The following HAL variants were observed in gnomAD, a reference collection of about 807,000 sequenced individuals.
The protein encoded by HAL is histidine ammonia-lyase, also known as histidase.
HAL carries 85 observed loss-of-function variants against 81.1 expected under a neutral mutation model. That is an observed-to-expected ratio of 1.05 (90% CI 0.88 to 1.25). HAL has a LOEUF of 1.25. Among genes scored for constraint, HAL ranks in the 50% most tolerant of loss-of-function variants. The pLI, the probability that HAL is intolerant of heterozygous loss-of-function variation, is 0.00. For missense variants in HAL, 798 were observed against 836.6 expected, an observed-to-expected ratio of 0.95 and a Z score of 0.57; for synonymous variants, 301 against 309.2, an observed-to-expected ratio of 0.97 and a Z score of 0.28.
At chr12:95,974,583 C>G (rs946269147) in intron 20 of HAL, among the ~76,000 whole-genome samples, 28 of 152,136 alleles carry the variant, frequency 1.8e-4, no homozygotes, top group African/African-American at 6.8e-4. Context: ...AAGTCCAAAA[C>G]TTTCTAAAGT....
chr12:95,992,617 A>G (rs1949984755), intron 9 of HAL, 63 bp downstream of exon 9: 1 of 1,460,568 alleles, frequency 6.8e-7, no homozygotes, highest in Non-Finnish European at 9.6e-7. Context: ...TGGCCAATCA[A>G]TTCTACCCTG....
At position 95,993,961 on chromosome 12, in the gene HAL, C is replaced by G; in HGVS notation, c.449G>C (p.Arg150Thr). The G allele has an allele frequency of 6.2e-7, 1 of 1,610,970 alleles. No individual in the cohort carries two copies. The highest frequency in any genetic ancestry group is 8.5e-7 in the Non-Finnish European group (1 of 1,177,202). Reference sequence around the variant, plus strand: ...TTTTATGATGCTATCTATGACCTCCCTGGATTTCTGCACCCTCTTCTCAGC... The same window carrying G: ...TTTTATGATGCTATCTATGACCTCCGTGGATTTCTGCACCCTCTTCTCAGC... ...PTAEKRVQKS[R>T]EVIDSIIKEK... is the part of the protein sequence containing the mutation. The change falls in exon 6 of 21, where the codon AGG (arginine) becomes ACG (threonine). Residue 150 changes from arginine (R) to threonine (T), a missense_variant. Physicochemically the swap from Arg to Thr is moderately conservative, Grantham distance 71. Transcript: ENST00000261208.
In HAL at chr12:95,987,071, G is replaced by A. The variant is rs760840953; in HGVS notation, c.1047C>T (p.Asp349=). 7 of 1,612,760 alleles carry A rather than the reference G, an allele frequency of 4.3e-6. No individual in the cohort carries two copies. In the East Asian group the frequency reaches 1.6e-4, roughly 36 times the overall value. The change falls in exon 12 of 21, where the codon GAC becomes GAT. Residue 349 remains aspartate (D), a synonymous_variant. Transcript: ENST00000261208. Reference sequence around the variant, plus strand: ...AAAAGGAAGAACCCTGCTGACCAGTGTCAAAGGCTTTGGTGGTGCCCTTCA... The same window carrying A: ...AAAAGGAAGAACCCTGCTGACCAGTATCAAAGGCTTTGGTGGTGCCCTTCA... ...EVLKGTTKAF[D]TDIHALRPHR... is the part of the protein sequence containing the mutation.
intron 17 of HAL, among the ~76,000 whole-genome samples, chr12:95,979,010 C>G (rs2080759781): frequency 6.6e-6 from 1 of 152,022 alleles, no homozygotes; most frequent in Admixed American, 6.6e-5. Flanking sequence ...GTCCTTGGAC[C>G]CTAAACTGTG....
intron 11 of HAL, among the ~76,000 whole-genome samples, chr12:95,987,841 T>A (rs1171632413): frequency 7.6e-6 from 1 of 131,612 alleles, no homozygotes; most frequent in African/African-American, 2.8e-5. Flanking sequence ...CCAGGGTAGC[T>A]GGGATTACAA....
chr12:95,976,288 G>C, intron 20 of HAL, 141 bp downstream of exon 20: 1 of 762,668 alleles, frequency 1.3e-6, no homozygotes, highest in African/African-American at 1.7e-5. Context: ...TAGTGGTGCT[G>C]CAAGTTGTTG....
rs151012020 is a variant in HAL, at chr12:95,992,717, G to T, written c.678C>A (p.Ser226=). 1 of 1,612,846 alleles carries T rather than the reference G, an allele frequency of 6.2e-7. No homozygotes were observed. Among genetic ancestry groups the T allele is most frequent in the Non-Finnish European group, 8.5e-7 (1 of 1,178,986 alleles). ...CTATGACTTGTTTGAGGGTCTCCAG[G>T]GAAATGCCACTGTATCCTTTGGCTA... ...NVLAKGYSGI[S]LETLKQVIEM... is the part of the protein sequence containing the mutation. The change falls in exon 9 of 21, where the codon TCC becomes TCA. Residue 226 remains serine (S), a synonymous_variant. Transcript: ENST00000261208.
intron 15 of HAL, among the ~76,000 whole-genome samples, chr12:95,981,667 C>A (rs1487498945): frequency 6.6e-6 from 1 of 152,158 alleles, no homozygotes; most frequent in Non-Finnish European, 1.5e-5. Context: ...GCCATGTTGG[C>A]CAGGCTGGTC....
At position 95,980,582 on chromosome 12, in the gene HAL, A is replaced by C; in HGVS notation, c.1493T>G (p.Ile498Arg). 5.6e-6 allele frequency: 9 copies of C among 1,613,982 alleles called. No homozygotes were observed. Among genetic ancestry groups the C allele is most frequent in the Non-Finnish European group, 7.6e-6 (9 of 1,180,014 alleles). ...AEGGLNSGFM[I>R]AHCTAAALVS... ...AAGGGCTGCTGCCGTGCAGTGAGCT[A>C]TCATGAACCCAGAGTTCAGACCACC... Residue 498 changes from isoleucine (I) to arginine (R), a missense_variant, in exon 17 of 21, where the codon ATA (isoleucine) becomes AGA (arginine). By Grantham distance (97) the Ile-to-Arg change is moderately conservative. Transcript: ENST00000261208.
chr12:95,995,208 T>G lies in HAL; in HGVS notation c.248-215A>C, dbSNP rs555818210. 1.3e-5 allele frequency: 8 copies of G among 614,744 alleles called. 1 individual carries two copies. Among genetic ancestry groups the G allele is most frequent in the Admixed American group, 5.5e-5 (2 of 36,382 alleles). 38.1% of individuals were successfully genotyped at this position (614,744 alleles called of 1,614,324 possible). On this transcript the variant is annotated intron_variant, in intron 2 of 20. Coordinates refer to ENST00000261208, the MANE Select transcript of HAL (RefSeq NM_002108.4). Reference sequence around the variant, plus strand: ...TCAGGGCAGAGACCAGGGGTTTAGATGAAAGTTCAAGACAGAATTCCACTT... The same window carrying G: ...TCAGGGCAGAGACCAGGGGTTTAGAGGAAAGTTCAAGACAGAATTCCACTT...
intron 11 of HAL, among the ~76,000 whole-genome samples, chr12:95,987,979 G>A (rs576807313): frequency 3.3e-5 from 5 of 151,846 alleles, no homozygotes; most frequent in South Asian, 4.2e-4. Context: ...CACCTGTCTC[G>A]GCTTCCCAAA....
intron 10 of HAL, among the ~76,000 whole-genome samples, chr12:95,988,985 G>A (rs1461150490): frequency 1.3e-5 from 2 of 152,112 alleles, no homozygotes; most frequent in South Asian, 2.1e-4. Flanking sequence ...TGTTGGGGTC[G>A]GTCTAGGAGT....
At chr12:95,986,038 A>T in intron 13 of HAL, 27 bp downstream of exon 13, 1 of 1,566,488 alleles carries the variant, frequency 6.4e-7, no homozygotes, top group Non-Finnish European at 8.8e-7. Context: ...GTAACCAAAT[A>T]GGTCACTCCC....
intron 15 of HAL, among the ~76,000 whole-genome samples, chr12:95,981,173 G>T (rs1468377427): frequency 8.5e-6 from 1 of 117,332 alleles, no homozygotes; most frequent in Admixed American, 8.9e-5. Flanking sequence ...GCCCTCAAAA[G>T]GTTTATAGCC....
In HAL at chr12:95,973,053, TTG is replaced by T. The variant is rs1309214106; in HGVS notation, c.*1177_*1178del. ...GTAAATCTAAAGGGTGAAAACTCTA[TTG>T]TGAAATCCACTGTTCGGCCCATTTT... On this transcript the variant is annotated 3_prime_UTR_variant, in exon 21 of 21. Transcript: ENST00000261208. The T allele has an allele frequency of 1.3e-5, 2 of 152,220 alleles. No individual in the cohort carries two copies. The highest frequency in any genetic ancestry group is 2.9e-5 in the Non-Finnish European group (2 of 68,032). The allele number at this position is 152,220 out of a possible 1,614,324, so 9.4% of individuals were successfully genotyped here.
chr12:95,980,490 C>A, intron 17 of HAL, 66 bp downstream of exon 17: 1 of 1,464,480 alleles, frequency 6.8e-7, no homozygotes, highest in Non-Finnish European at 9.6e-7. Flanking sequence ...TTTGATACTT[C>A]TAGGTGAAAT....
chr12:95,982,256 AAG>A (rs1349234061), intron 15 of HAL, among the ~76,000 whole-genome samples: 1 of 152,242 alleles, frequency 6.6e-6, no homozygotes, highest in Non-Finnish European at 1.5e-5. Context: ...GCAGTATTGC[AAG>A]AGAACTCCCA....
rs1950034481 is a variant in HAL, at chr12:95,996,227, C to T, written c.-231G>A. 1 of 370,360 alleles carries T rather than the reference C, an allele frequency of 2.7e-6. No individual in the cohort carries two copies. Among genetic ancestry groups the T allele is most frequent in the Admixed American group, 4.0e-5 (1 of 24,948 alleles). 22.9% of individuals were successfully genotyped at this position (370,360 alleles called of 1,614,324 possible). ...GGTGCTGTTCTTGTCCCTGATGGCACCTACCTGCTGCTGGCCCCCTTTCTT... is the reference window on the plus strand; with the variant it reads ...GGTGCTGTTCTTGTCCCTGATGGCATCTACCTGCTGCTGGCCCCCTTTCTT... On this transcript the variant is annotated 5_prime_UTR_variant, in exon 1 of 21. In the 5' UTR this introduces an upstream ATG that the reference lacks. Transcript: ENST00000261208.
intron 10 of HAL, among the ~76,000 whole-genome samples, chr12:95,988,919 T>C (rs1202860858): frequency 6.6e-6 from 1 of 152,168 alleles, no homozygotes; most frequent in African/African-American, 2.4e-5. Context: ...TGGTCCCATT[T>C]ACTACGTCAA....
Sources: gnomAD v4.1 joint callset for allele counts (sites outside exome capture counted in the v4.1 genomes callset) on GRCh38, gnomAD v4.1.1 for gene constraint, MANE v1.5 for transcripts, NCBI Gene and HGNC (gene_info 2026-07-23, HGNC 2026-07-21) for gene names.